The following MAST4 variants were observed in gnomAD, a reference collection of about 807,000 sequenced individuals.
The protein encoded by MAST4 is microtubule-associated serine/threonine-protein kinase 4.
In MAST4, 89 loss-of-function variants were observed where a neutral mutation model predicts 162.7. The ratio of observed to expected loss-of-function variants is 0.55; its 90% CI spans 0.46 to 0.65. The LOEUF (loss-of-function observed/expected upper bound fraction) is 0.65. Among genes scored for constraint, MAST4 ranks in the 30% least tolerant of loss-of-function variants. The probability of loss-of-function intolerance (pLI) is 0.00; values close to 1 mark genes in which losing one functional copy is unlikely to be tolerated. For synonymous variants in MAST4, 1,479 were observed against 1,361.1 expected, an observed-to-expected ratio of 1.09 and a Z score of -1.91; for missense variants, 3,153 against 3,374.0, an observed-to-expected ratio of 0.93 and a Z score of 1.62.
chr5:66,636,313 A>T (rs929855522), intron 1 of MAST4, among the ~76,000 whole-genome samples: 2 of 152,168 alleles, frequency 1.3e-5, no homozygotes, highest in Non-Finnish European at 2.9e-5. Flanking sequence ...TAGCCCAAGC[A>T]GCAGTTCCTC....
chr5:66,896,619 C>T (rs372534374), intron 3 of MAST4, among the ~76,000 whole-genome samples: 3 of 152,206 alleles, frequency 2.0e-5, no homozygotes, highest in Non-Finnish European at 4.4e-5. Context: ...TAAACACGTG[C>T]GGCATGTATA....
Position 66,596,532 on chromosome 5 carries a change from T to TC in MAST4, c.-121dup. 8.5e-7 allele frequency: 1 copy of TC among 1,174,570 alleles called. No homozygotes were observed. Among genetic ancestry groups the TC allele is most frequent in the South Asian group, 3.0e-5 (1 of 32,852 alleles). The allele number at this position is 1,174,570 out of a possible 1,614,324, so 72.8% of individuals were successfully genotyped here. Reference sequence around the variant, plus strand: ...ACTGCCATGTAGTCGCTGGCGGGGCTCCCTGCAGCCCGGGAGCGGCAGTGC... The same window carrying TC: ...ACTGCCATGTAGTCGCTGGCGGGGCTCCCCTGCAGCCCGGGAGCGGCAGTGC... On this transcript the variant is annotated 5_prime_UTR_variant, in exon 1 of 29. Coordinates refer to ENST00000403625, the MANE Select transcript of MAST4 (RefSeq NM_001164664.2).
intron 3 of MAST4, among the ~76,000 whole-genome samples, chr5:66,876,638 G>A (rs890636845): frequency 6.6e-6 from 1 of 152,170 alleles, no homozygotes; most frequent in African/African-American, 2.4e-5. Flanking sequence ...TCCGTAGAGT[G>A]ATCAGGCTGT....
chr5:66,690,446 G>C (rs1748967299), intron 1 of MAST4, among the ~76,000 whole-genome samples: 1 of 152,132 alleles, frequency 6.6e-6, no homozygotes, highest in African/African-American at 2.4e-5. Context: ...AGGGCTTGCT[G>C]TATTTTTCTT....
intron 4 of MAST4, among the ~76,000 whole-genome samples, chr5:66,988,875 C>T (rs1414133119): frequency 6.6e-6 from 1 of 152,206 alleles, no homozygotes; most frequent in Non-Finnish European, 1.5e-5. Context: ...ACATGGTTCA[C>T]ATTTTAACGT....
At chr5:66,597,142 G>C (rs1186372857) in intron 1 of MAST4, 124 bp downstream of exon 1, 10 of 1,198,096 alleles carry the variant, frequency 8.3e-6, no homozygotes, top group Non-Finnish European at 9.4e-6. Context: ...GACCCCAAGC[G>C]CTCTGCCCCG....
intron 3 of MAST4, among the ~76,000 whole-genome samples, chr5:66,853,204 C>G (rs778025692): frequency 1.3e-5 from 2 of 152,152 alleles, no homozygotes; most frequent in East Asian, 3.8e-4. Context: ...GAGGCATGTT[C>G]GAAAAGCCTG....
At chr5:67,081,818 G>A (rs1245198572) in intron 5 of MAST4, among the ~76,000 whole-genome samples, 3 of 152,156 alleles carry the variant, frequency 2.0e-5, no homozygotes, top group African/African-American at 7.2e-5. Flanking sequence ...TATATGGAAA[G>A]CTAATGTTGT....
intron 4 of MAST4, among the ~76,000 whole-genome samples, chr5:66,973,647 A>T (rs2150209013): frequency 6.6e-6 from 1 of 152,282 alleles, no homozygotes; most frequent in East Asian, 1.9e-4. Flanking sequence ...ACTCTTCACA[A>T]CAAGATTTCA....
At chr5:66,962,174 G>T (rs1746093545) in intron 4 of MAST4, among the ~76,000 whole-genome samples, 1 of 152,210 alleles carries the variant, frequency 6.6e-6, no homozygotes, top group Middle Eastern at 3.2e-3. Flanking sequence ...CAACCAGCTT[G>T]AATCAACCAA....
At chr5:66,823,452 C>T (rs1469829722) in intron 3 of MAST4, among the ~76,000 whole-genome samples, 7 of 152,142 alleles carry the variant, frequency 4.6e-5, no homozygotes, top group African/African-American at 1.2e-4. Context: ...CAGCAATGAC[C>T]GGCACGTAAT....
intron 4 of MAST4, chr5:66,902,634 A>G (rs956650952): frequency 2.2e-6 from 1 of 457,312 alleles, no homozygotes; most frequent in Non-Finnish European, 4.5e-6. Context: ...CTTGTTTTAT[A>G]TACATTTTTA....
intron 3 of MAST4, among the ~76,000 whole-genome samples, chr5:66,802,736 T>C (rs978607136): frequency 5.3e-5 from 8 of 152,178 alleles, no homozygotes; most frequent in Non-Finnish European, 1.5e-5. Flanking sequence ...TTCAGCGTCA[T>C]GACCTTAATT....
chr5:66,899,821 A>G (rs1202919427), intron 3 of MAST4, 130 bp from the exon 4 acceptor site: 2 of 655,758 alleles, frequency 3.0e-6, no homozygotes, highest in Non-Finnish European at 2.4e-6. Flanking sequence ...TGACATTAAA[A>G]TGTTTTCAGT....
At position 67,121,591 on chromosome 5, in the gene MAST4, C is replaced by T. The variant is rs78190154; in HGVS notation, c.1745+489C>T. On this transcript the variant is annotated intron_variant, in intron 14 of 28. Coordinates refer to ENST00000403625, the MANE Select transcript of MAST4 (RefSeq NM_001164664.2). ...AAGATTTAGAGCAGGAGTGTCCAGT[C>T]GTTTGTCTTCCCTGGGCCACACTGG... 4.6e-3 allele frequency among the ~76,000 whole-genome samples: 694 copies of T among 151,358 alleles called. 3 individuals are homozygous for T. The highest frequency in any genetic ancestry group is 0.016 in the African/African-American group (667 of 41,286).
At chr5:67,159,584 A>C (rs1422402383) in intron 26 of MAST4, among the ~76,000 whole-genome samples, 1 of 152,184 alleles carries the variant, frequency 6.6e-6, no homozygotes, top group Non-Finnish European at 1.5e-5. Flanking sequence ...TTTCATGGTA[A>C]TCGGGGCCAT....
intron 3 of MAST4, among the ~76,000 whole-genome samples, chr5:66,896,047 C>CT (rs1166605980): frequency 6.6e-6 from 1 of 152,136 alleles, no homozygotes; most frequent in African/African-American, 2.4e-5. Context: ...CACTAATGTC[C>CT]TTTTTCTGAT....
At chr5:67,069,287 G>GATATATATATAT (rs6149054) in intron 5 of MAST4, among the ~76,000 whole-genome samples, 1,212 of 107,562 alleles carry the variant, frequency 0.011, 24 homozygotes, top group South Asian at 0.017. Context: ...GAGGAGATTG[G>GATATATATATAT]ATATATATAT....
intron 4 of MAST4, among the ~76,000 whole-genome samples, chr5:66,997,538 TCTC>T (rs1750803012): frequency 6.6e-6 from 1 of 151,778 alleles, no homozygotes; most frequent in Non-Finnish European, 1.5e-5. Flanking sequence ...TTCAAGCAAT[TCTC>T]CTGTCTCAGC....
Sources: allele counts gnomAD v4.1 joint callset (sites outside exome capture counted in the v4.1 genomes callset), GRCh38; gene constraint gnomAD v4.1.1; transcripts MANE v1.5; gene names NCBI Gene and HGNC (gene_info 2026-07-23, HGNC 2026-07-21).